Variants in PRR11 observed in about 807,000 individuals in gnomAD.
PRR11 encodes proline rich 11, also known as proline-rich protein 11.
Under a neutral mutation model 45.6 loss-of-function variants are expected in PRR11, and 30 were observed. The observed-to-expected ratio is 0.66, with a 90% CI of 0.49 to 0.89. The LOEUF (loss-of-function observed/expected upper bound fraction) is 0.89. Ranked by LOEUF, PRR11 falls within the 40% of genes least tolerant of loss-of-function variation. PRR11 has a pLI of 0.00. For synonymous variants in PRR11, 128 were observed against 153.5 expected, an observed-to-expected ratio of 0.83 and a Z score of 1.23; for missense variants, 373 against 424.8, an observed-to-expected ratio of 0.88 and a Z score of 1.07.
At chr17:59,166,814 T>G (rs890872027) in intron 1 of PRR11, among the ~76,000 whole-genome samples, 2 of 152,194 alleles carry the variant, frequency 1.3e-5, no homozygotes, top group Non-Finnish European at 2.9e-5. Flanking sequence ...GTGTATCAAG[T>G]GGCATTGCCA....
chr17:59,178,320 C>A (rs896808803), intron 2 of PRR11, among the ~76,000 whole-genome samples: 1 of 151,660 alleles, frequency 6.6e-6, no homozygotes. Flanking sequence ...GGCAACAGAG[C>A]GAGACTGTCT....
At position 59,193,690 on chromosome 17, in the gene PRR11, G is replaced by A. The variant is rs764909862; in HGVS notation, c.601G>A (p.Ala201Thr). The A allele has an allele frequency of 1.2e-6, 2 of 1,613,844 alleles. No homozygotes were observed. The highest frequency in any genetic ancestry group is 1.7e-6 in the Non-Finnish European group (2 of 1,179,870). The change falls in exon 5 of 10, where the codon GCA becomes ACA. Residue 201 changes from alanine (A) to threonine (T), a missense_variant. By Grantham distance (58) the Ala-to-Thr change is moderately conservative (BLOSUM62 0). Transcript: ENST00000262293. Reference protein sequence around the residue: ...PPLPPPPPPLAPVLLRKPSLA... With the variant: ...PPLPPPPPPLTPVLLRKPSLA... Reference sequence around the variant, plus strand: ...TCTGCCACCTCCTCCACCACCACTAGCACCTGTGTTGCTCAGAAAACCCAG... The same window carrying A: ...TCTGCCACCTCCTCCACCACCACTAACACCTGTGTTGCTCAGAAAACCCAG...
At chr17:59,162,375 C>T (rs1028331121) in intron 1 of PRR11, among the ~76,000 whole-genome samples, 1 of 152,090 alleles carries the variant, frequency 6.6e-6, no homozygotes, top group African/African-American at 2.4e-5. Flanking sequence ...TGCATAGACA[C>T]TGGAACAGCC....
intron 2 of PRR11, among the ~76,000 whole-genome samples, chr17:59,173,550 T>G (rs1040657762): frequency 1.3e-5 from 2 of 151,828 alleles, no homozygotes; most frequent in African/African-American, 4.8e-5. Context: ...GCTGTAACAC[T>G]CACCGCGAAG....
intron 2 of PRR11, among the ~76,000 whole-genome samples, chr17:59,173,568 G>A (rs534011559): frequency 6.6e-6 from 1 of 152,294 alleles, no homozygotes; most frequent in African/African-American, 2.4e-5. Context: ...AAGGTCTGCA[G>A]CTTCACTACT....
At chr17:59,173,404 C>G (rs1320332350) in intron 2 of PRR11, among the ~76,000 whole-genome samples, 1 of 152,236 alleles carries the variant, frequency 6.6e-6, no homozygotes, top group Non-Finnish European at 1.5e-5. Flanking sequence ...AATCTTGCTA[C>G]TGGTCACTCT....
intron 2 of PRR11, among the ~76,000 whole-genome samples, chr17:59,176,541 A>T (rs894293478): frequency 1.3e-5 from 2 of 152,076 alleles, no homozygotes; most frequent in Non-Finnish European, 1.5e-5. Context: ...GGAGAGAGAC[A>T]GAAGAACCAG....
chr17:59,181,653 C>A (rs1032815070), intron 2 of PRR11: 98 of 1,520,392 alleles, frequency 6.4e-5, no homozygotes, highest in Non-Finnish European at 8.0e-5. Flanking sequence ...CCTTCTCTGG[C>A]GCCTCCTCCG....
At chr17:59,192,793 A>T (rs1403256288) in intron 4 of PRR11, among the ~76,000 whole-genome samples, 2 of 152,168 alleles carry the variant, frequency 1.3e-5, no homozygotes, top group African/African-American at 4.8e-5. Context: ...GATGTTCTGG[A>T]TGTTAAGACT....
intron 2 of PRR11, among the ~76,000 whole-genome samples, chr17:59,173,851 G>T (rs2046726793): frequency 6.6e-6 from 1 of 152,076 alleles, no homozygotes. Context: ...CTCCTTCCTG[G>T]TGTCTGTCAT....
At chr17:59,157,325 A>G (rs550593479) in intron 1 of PRR11, among the ~76,000 whole-genome samples, 1 of 152,326 alleles carries the variant, frequency 6.6e-6, no homozygotes, top group African/African-American at 2.4e-5. Flanking sequence ...CAAAAATTAC[A>G]ATGAAATGTA....
chr17:59,180,519 G>GTTTTTTTTTTTTTTTTTGT (rs71300619), intron 2 of PRR11, among the ~76,000 whole-genome samples: 1 of 122,928 alleles, frequency 8.1e-6, no homozygotes, highest in South Asian at 2.5e-4. Context: ...TGTTTTTTTT[G>GTTTTTTTTTTTTTTTTTGT]TTTTTTTTGC....
At chr17:59,162,149 G>C (rs1267164119) in intron 1 of PRR11, among the ~76,000 whole-genome samples, 1 of 151,274 alleles carries the variant, frequency 6.6e-6, no homozygotes, top group Non-Finnish European at 1.5e-5. Context: ...TTAATCCTCT[G>C]CATGTGCCAA....
chr17:59,184,853 T>G (rs541040536), intron 2 of PRR11, among the ~76,000 whole-genome samples: 2 of 135,672 alleles, frequency 1.5e-5, no homozygotes, highest in Admixed American at 7.4e-5. Flanking sequence ...TGATTAAGTT[T>G]TTTTTTTTTT....
intron 1 of PRR11, among the ~76,000 whole-genome samples, chr17:59,167,532 G>A (rs1393219499): frequency 6.6e-6 from 1 of 152,142 alleles, no homozygotes; most frequent in African/African-American, 2.4e-5. Context: ...TATTAAGAAA[G>A]TAAAGGAATA....
intron 1 of PRR11, among the ~76,000 whole-genome samples, chr17:59,157,318 A>C (rs1599687224): frequency 1.3e-5 from 2 of 152,192 alleles, no homozygotes; most frequent in African/African-American, 4.8e-5. Flanking sequence ...ATACAAGCAA[A>C]AATTACAATG....
At chr17:59,173,505 G>A (rs1374742555) in intron 2 of PRR11, among the ~76,000 whole-genome samples, 1 of 151,988 alleles carries the variant, frequency 6.6e-6, no homozygotes, top group Non-Finnish European at 1.5e-5. Context: ...AACCCACCGG[G>A]AGGAACGAAT....
At chr17:59,192,885 C>T (rs905321939) in intron 4 of PRR11, among the ~76,000 whole-genome samples, 48 of 152,268 alleles carry the variant, frequency 3.2e-4, no homozygotes, top group African/African-American at 1.1e-3. Flanking sequence ...CTTGAAAGTA[C>T]TATATTCTTG....
At chr17:59,161,683 A>G (rs2147832121) in intron 1 of PRR11, among the ~76,000 whole-genome samples, 1 of 152,326 alleles carries the variant, frequency 6.6e-6, no homozygotes, top group Admixed American at 6.5e-5. Flanking sequence ...CAGGAGGTCA[A>G]AGCTGCAGAG....
Sources: allele counts gnomAD v4.1 joint callset (sites outside exome capture counted in the v4.1 genomes callset), GRCh38; gene constraint gnomAD v4.1.1; transcripts MANE v1.5; gene names NCBI Gene and HGNC (gene_info 2026-07-23, HGNC 2026-07-21).